The following STAG3 variants were observed in gnomAD, a reference collection of about 807,000 sequenced individuals.
STAG3 encodes STAG3 cohesin complex component, also known as cohesin subunit SA-3.
STAG3 carries 101 observed loss-of-function variants against 160.7 expected under a neutral mutation model. The ratio of observed to expected loss-of-function variants is 0.63; its 90% confidence interval spans 0.54 to 0.74. The LOEUF is 0.74. Ranked by LOEUF, STAG3 falls within the 30% of genes least tolerant of loss-of-function variation. The pLI is 0.00. For missense variants in STAG3, 1,188 were observed against 1,517.4 expected (o/e 0.78, Z 3.61); for synonymous variants, 519 against 585.0 (o/e 0.89, Z 1.63).
chr7:100,189,749 A>C (rs6948729), intron 8 of STAG3, among the ~76,000 whole-genome samples, 153 bp downstream of exon 8: 1 of 151,974 alleles, frequency 6.6e-6, no homozygotes, highest in Non-Finnish European at 1.5e-5. Flanking sequence ...AGGGGTCATT[A>C]CATGCTCATC....
intron 29 of STAG3, among the ~76,000 whole-genome samples, chr7:100,206,366 A>G (rs997833621): frequency 1.9e-4 from 29 of 152,258 alleles, no homozygotes; most frequent in African/African-American, 7.0e-4. Flanking sequence ...ATTAAGCAAC[A>G]TTGTAGCAAT....
At chr7:100,216,577 G>A (rs1431202158), downstream of STAG3, among the ~76,000 whole-genome samples, 1 of 152,094 alleles carries the variant, frequency 6.6e-6, no homozygotes, top group African/African-American at 2.4e-5. Flanking sequence ...AAGGCGGGCA[G>A]ATCACGAGGT....
intron 22 of STAG3, 33 bp downstream of exon 22, chr7:100,201,899 C>T: frequency 6.2e-7 from 1 of 1,613,970 alleles, no homozygotes. Context: ...ATAATGGGAA[C>T]AGAGGAGTCT....
chr7:100,216,589 A>C (rs1802770067), downstream of STAG3, among the ~76,000 whole-genome samples: 2 of 152,094 alleles, frequency 1.3e-5, no homozygotes, highest in Non-Finnish European at 2.9e-5. Flanking sequence ...TCACGAGGTC[A>C]AGAGATTGAG....
chr7:100,201,665 C>G (rs1801146070), intron 21 of STAG3, 121 bp from the exon 22 acceptor site: 4 of 860,618 alleles, frequency 4.6e-6, no homozygotes, highest in South Asian at 4.6e-5. Flanking sequence ...TCATTTTCCA[C>G]TGGAAAAGGA....
At position 100,201,994 on chromosome 7, in the gene STAG3, C is replaced by G; in HGVS notation, c.2347C>G (p.Leu783Val). ...LRDRMVAFCELCQSCLSDVDT... is the reference protein window; with the variant it reads ...LRDRMVAFCEVCQSCLSDVDT... ...GGACAGAATGGTGGCCTTCTGTGAACTCTGCCAGAGTTGCCTCTCAGATGT... is the reference window on the plus strand; with the variant it reads ...GGACAGAATGGTGGCCTTCTGTGAAGTCTGCCAGAGTTGCCTCTCAGATGT... Residue 783 changes from leucine to valine, a missense_variant, in exon 23 of 34, where the codon CTC becomes GTC. By Grantham distance (32) the Leu-to-Val change is conservative (BLOSUM62 1). Coordinates refer to ENST00000615138, the MANE Select transcript of STAG3 (RefSeq NM_001282717.2). 2 of 1,614,182 alleles carry G rather than the reference C, an allele frequency of 1.2e-6. No homozygotes were observed. The highest frequency in any genetic ancestry group is 1.3e-5 in the African/African-American group (1 of 75,030).
Position 100,207,188 on chromosome 7 carries a change from C to T in STAG3, c.3238+1804C>T, listed in dbSNP as rs960323614. Among the ~76,000 whole-genome samples, 2 of 152,126 alleles carry T rather than the reference C, an allele frequency of 1.3e-5. No individual in the cohort carries two copies. The highest frequency in any genetic ancestry group is 4.8e-5 in the African/African-American group (2 of 41,418). ...CATAATGCTGCTAAACATGCATGTA[C>T]ACATTTTTGGGTGGATGCATCTTTT... On this transcript the variant is annotated intron_variant, in intron 29 of 33. Transcript: ENST00000615138. The surrounding 1 kb of genome is among the most constrained non-coding windows in gnomAD (Gnocchi z 4.0).
chr7:100,201,364 G>A lies in STAG3; in HGVS notation c.2220+13G>A. The A allele has an allele frequency of 6.2e-7, 1 of 1,613,062 alleles. No homozygotes were observed. The highest frequency in any genetic ancestry group is 8.5e-7 in the Non-Finnish European group (1 of 1,179,076). ...GGTTCCTCACCAGGTGAGTGGACAGGCTAGAGATGGGTTGGGGGCTGGGGG... is the reference window on the plus strand; with the variant it reads ...GGTTCCTCACCAGGTGAGTGGACAGACTAGAGATGGGTTGGGGGCTGGGGG... On this transcript the variant is annotated intron_variant, in intron 21 of 33. Coordinates refer to ENST00000615138, the MANE Select transcript of STAG3 (RefSeq NM_001282717.2).
intron 7 of STAG3, among the ~76,000 whole-genome samples, 161 bp downstream of exon 7, chr7:100,189,177 T>C (rs1260097213): frequency 6.6e-6 from 1 of 152,146 alleles, no homozygotes; most frequent in Non-Finnish European, 1.5e-5. Flanking sequence ...CTAGTGGAGT[T>C]TTGAGAAGGG....
intron 29 of STAG3, among the ~76,000 whole-genome samples, chr7:100,205,857 A>G (rs1341112709): frequency 6.6e-6 from 1 of 151,882 alleles, no homozygotes; most frequent in Non-Finnish European, 1.5e-5. Flanking sequence ...ACTGATGATA[A>G]AACCAAATAT....
At position 100,213,461 on chromosome 7, in the gene STAG3, T is replaced by C. The variant is rs1190958698; in HGVS notation, c.3601-274T>C. On this transcript the variant is annotated intron_variant, in intron 32 of 33. Transcript: ENST00000615138. ...AAACCAGAGACTAGAGAGCAAGGCCTCTGTTAAAATATTATTTCCTAACAT... is the reference window on the plus strand; with the variant it reads ...AAACCAGAGACTAGAGAGCAAGGCCCCTGTTAAAATATTATTTCCTAACAT... The C allele has an allele frequency of 5.1e-6, 5 of 985,300 alleles. No individual in the cohort carries two copies. In the African/African-American group the frequency reaches 8.7e-5, roughly 17 times the overall value. 61.0% of individuals were successfully genotyped at this position (985,300 alleles called of 1,614,324 possible).
At position 100,188,868 on chromosome 7, in the gene STAG3, C is replaced by T. The variant is rs371388930; in HGVS notation, c.567C>T (p.Gly189=). The change falls in exon 7 of 34, where the codon GGC becomes GGT. Residue 189 remains glycine (G), a synonymous_variant. Transcript: ENST00000615138. ...GTCCATCCTGGAAGAAGTTCCAGGGCAGCTTCTGTGAATTTGTGAGGACAT... is the reference window on the plus strand; with the variant it reads ...GTCCATCCTGGAAGAAGTTCCAGGGTAGCTTCTGTGAATTTGTGAGGACAT... ...APGPSWKKFQ[G]SFCEFVRTLV... 57 of 1,614,030 alleles carry T rather than the reference C, an allele frequency of 3.5e-5. No homozygotes were observed. Among genetic ancestry groups the T allele is most frequent in the Non-Finnish European group, 4.4e-5 (52 of 1,180,032 alleles).
At chr7:100,187,277 C>T (rs1438431864) in intron 5 of STAG3, among the ~76,000 whole-genome samples, 1 of 152,058 alleles carries the variant, frequency 6.6e-6, no homozygotes, top group Admixed American at 6.5e-5. Context: ...CCTGCCTCGA[C>T]CTCCCAAAGT....
intron 8 of STAG3, among the ~76,000 whole-genome samples, chr7:100,194,713 C>T (rs571235947): frequency 1.6e-4 from 25 of 152,120 alleles, no homozygotes; most frequent in African/African-American, 6.0e-4. Context: ...GAGGATTGCT[C>T]GAGTCCAGGA....
intron 4 of STAG3, among the ~76,000 whole-genome samples, chr7:100,183,585 A>G (rs1314496112): frequency 3.3e-5 from 5 of 152,244 alleles, no homozygotes; most frequent in Non-Finnish European, 7.3e-5. Context: ...TGAAATGATT[A>G]CTCAGATCTC....
At chr7:100,195,267 T>A in intron 8 of STAG3, 42 bp from the exon 9 acceptor site, 3 of 1,572,032 alleles carry the variant, frequency 1.9e-6, no homozygotes, top group Non-Finnish European at 2.6e-6. Context: ...TTATGCTTGT[T>A]AGGGTACAAG....
intron 1 of STAG3, among the ~76,000 whole-genome samples, chr7:100,178,699 T>G (rs1799435349): frequency 6.6e-6 from 1 of 151,978 alleles, no homozygotes; most frequent in South Asian, 2.1e-4. Flanking sequence ...GTACTGGGAT[T>G]ATAGGCGGGA....
Position 100,199,371 on chromosome 7 carries a change from C to T in STAG3, c.1573+4C>T, listed in dbSNP as rs766909978. ...CTGCTGCTGGAGAAGGACCAGAGTA[C>T]GTGTCACACGGAGCCAGGGACAGGG... is the stretch of plus-strand genomic sequence containing the variant. On this transcript the variant is annotated splice_donor_region_variant and intron_variant, in intron 15 of 33. Transcript: ENST00000615138. 50 of 1,611,982 alleles carry T rather than the reference C, an allele frequency of 3.1e-5. No individual in the cohort carries two copies. The highest frequency in any genetic ancestry group is 8.3e-5 in the Admixed American group (5 of 59,978).
rs146553177 is a variant in STAG3 at position 100,213,765 on chromosome 7, C to T, written c.3631C>T (p.Arg1211Cys). 601 of 1,614,220 alleles carry T rather than the reference C, an allele frequency of 3.7e-4. 1 individual carries two copies. The highest frequency in any genetic ancestry group is 4.7e-4 in the Non-Finnish European group (549 of 1,180,052). ...QASSYSSTSE[R>C]GLDLLDSTEL... is the part of the protein sequence containing the mutation. Reference sequence around the variant, plus strand: ...AAGTAGCTACTCTTCCACCAGTGAGCGCGGGCTGGACCTCTTAGATTCTAC... The same window carrying T: ...AAGTAGCTACTCTTCCACCAGTGAGTGCGGGCTGGACCTCTTAGATTCTAC... Residue 1211 changes from arginine (R) to cysteine (C), a missense_variant, in exon 33 of 34, where the codon CGC (arginine) becomes TGC (cysteine). Coordinates refer to ENST00000615138, the MANE Select transcript of STAG3 (RefSeq NM_001282717.2).
Sources: gnomAD v4.1 joint callset for allele counts (sites outside exome capture counted in the v4.1 genomes callset) on GRCh38, gnomAD v4.1.1 for gene constraint, Gnocchi (gnomAD v3.1) non-coding constraint, MANE v1.5 for transcripts, NCBI Gene and HGNC (gene_info 2026-07-23, HGNC 2026-07-21) for gene names.